CSMD3: variants seen among roughly 807,000 people sequenced by gnomAD.
The protein encoded by CSMD3 is CUB and sushi domain-containing protein 3.
A neutral mutation model predicts 435.2 loss-of-function variants in CSMD3; 177 were observed. The observed-to-expected ratio is 0.41, with a 90% confidence interval of 0.36 to 0.46. The LOEUF is 0.46. Among genes scored for constraint, CSMD3 ranks in the 20% least tolerant of loss-of-function variants. CSMD3 has a pLI of 0.34. For synonymous variants in CSMD3, 1,656 were observed against 1,520.5 expected, an observed-to-expected ratio of 1.09 and a Z score of -2.07; for missense variants, 4,265 against 4,504.6, an observed-to-expected ratio of 0.95 and a Z score of 1.52.
intron 38 of CSMD3, among the ~76,000 whole-genome samples, chr8:112,373,735 A>G (rs560601602): frequency 6.6e-6 from 1 of 152,238 alleles, no homozygotes; most frequent in Admixed American, 6.5e-5. Flanking sequence ...ACCTTTTTTG[A>G]AACTTGACAG....
intron 22 of CSMD3, among the ~76,000 whole-genome samples, chr8:112,599,188 C>T (rs954821496): frequency 2.1e-5 from 3 of 145,338 alleles, no homozygotes; most frequent in Admixed American, 6.8e-5. Flanking sequence ...AAAAAACAAC[C>T]CCATCAAAAA....
chr8:112,224,990 A>C, intron 70 of CSMD3, 60 bp from the exon 71 acceptor site: 1 of 1,462,134 alleles, frequency 6.8e-7, no homozygotes, highest in South Asian at 1.1e-5. Flanking sequence ...AGCAGACTAC[A>C]GCTCAAACAT....
At chr8:112,375,744 T>C (rs1828882160) in intron 38 of CSMD3, among the ~76,000 whole-genome samples, 1 of 152,168 alleles carries the variant, frequency 6.6e-6, no homozygotes, top group Admixed American at 6.5e-5. Flanking sequence ...AAGAATCTTT[T>C]TAAAGTTTCA....
rs116397722 is a variant in CSMD3, at chr8:112,251,993, G to A, written c.10110+2260C>T. Among the ~76,000 whole-genome samples the A allele has an allele frequency of 3.7e-3, 556 of 151,906 alleles. 3 individuals are homozygous for A. Among genetic ancestry groups the A allele is most frequent in the African/African-American group, 0.013 (531 of 41,478 alleles). The stretch of plus-strand genomic sequence containing the variant: ...GAGTTTTCATCATCTCTAGCAATGA[G>A]TAATATATTTTGTATGTTAATAATT... On this transcript the variant is annotated intron_variant, in intron 63 of 70. Coordinates refer to ENST00000297405, the MANE Select transcript of CSMD3 (RefSeq NM_198123.2).
At chr8:113,108,059 T>C (rs531397694) in intron 4 of CSMD3, among the ~76,000 whole-genome samples, 4 of 152,170 alleles carry the variant, frequency 2.6e-5, no homozygotes, top group African/African-American at 4.8e-5. Flanking sequence ...TTCAAAAACA[T>C]AGGAATAGTA....
At chr8:112,829,625 GA>G in intron 12 of CSMD3, 60 bp downstream of exon 12, 1 of 912,806 alleles carries the variant, frequency 1.1e-6, no homozygotes. Context: ...ACAATAATTT[GA>G]AAGTAAAATT....
In CSMD3 at chr8:113,417,394, A is replaced by C. The variant is rs995501603; in HGVS notation, c.178+19283T>G. ...TATAATACAATAGAGACAAAGGAGA[A>C]AATAAAACTAGTACAAAAGTTATGA... On this transcript the variant is annotated intron_variant, in intron 1 of 70. Transcript: ENST00000297405. 2.6e-5 allele frequency among the ~76,000 whole-genome samples: 4 copies of C among 152,048 alleles called. No homozygotes were observed. The East Asian group carries it at 7.7e-4, about 29-fold the overall frequency.
At chr8:112,350,094 C>A (rs145742466) in intron 40 of CSMD3, among the ~76,000 whole-genome samples, 3 of 151,984 alleles carry the variant, frequency 2.0e-5, no homozygotes, top group African/African-American at 7.2e-5. Context: ...CAAGAGAGGC[C>A]CTTAGAAGAT....
intron 45 of CSMD3, among the ~76,000 whole-genome samples, chr8:112,332,995 T>C (rs1824208991): frequency 6.6e-6 from 1 of 152,190 alleles, no homozygotes; most frequent in Admixed American, 6.5e-5. Context: ...ACCTAATATA[T>C]GCCAGTAATT....
chr8:112,483,818 C>T (rs1434033065), intron 31 of CSMD3, among the ~76,000 whole-genome samples: 1 of 152,120 alleles, frequency 6.6e-6, no homozygotes, highest in African/African-American at 2.4e-5. Context: ...GGTAGGAATG[C>T]CTTTAAGTGA....
At chr8:112,917,029 C>A (rs1012275850) in intron 10 of CSMD3, among the ~76,000 whole-genome samples, 1 of 151,888 alleles carries the variant, frequency 6.6e-6, no homozygotes. Flanking sequence ...TATCATATAA[C>A]CTGTACACCC....
Position 112,224,440 on chromosome 8 carries a change from A to G in CSMD3, c.*331T>C, listed in dbSNP as rs1812392990. 2.8e-6 allele frequency: 1 copy of G among 354,976 alleles called. No individual in the cohort carries two copies. The highest frequency in any genetic ancestry group is 2.1e-5 in the African/African-American group (1 of 47,422). 22.0% of individuals were successfully genotyped at this position (354,976 alleles called of 1,614,324 possible). On this transcript the variant is annotated 3_prime_UTR_variant, in exon 71 of 71. Transcript: ENST00000297405. ...TTTTTTTAAACCCAGTCCCTCTAAT[A>G]TAGTTTATAAAGCACAGAAATACTG...
intron 3 of CSMD3, among the ~76,000 whole-genome samples, chr8:113,239,284 G>A (rs1380826190): frequency 6.6e-6 from 1 of 151,956 alleles, no homozygotes; most frequent in Non-Finnish European, 1.5e-5. Flanking sequence ...AATCATGTGA[G>A]CCAATTCCTT....
rs560970658 is a variant in CSMD3, at chr8:112,935,894, T to C, written c.1508+11896A>G. Among the ~76,000 whole-genome samples, 9 of 152,194 alleles carry C rather than the reference T, an allele frequency of 5.9e-5. No individual in the cohort carries two copies. The South Asian group carries it at 1.5e-3, about 25-fold the overall frequency. On this transcript the variant is annotated intron_variant, in intron 9 of 70. Coordinates refer to ENST00000297405, the MANE Select transcript of CSMD3 (RefSeq NM_198123.2). ...GTAGAAGAGAGATGGTTTAGGATGT[T>C]TGAATGGTCTAAGTGAGAGATGATA...
intron 3 of CSMD3, among the ~76,000 whole-genome samples, chr8:113,194,789 C>A (rs1019318002): frequency 6.6e-6 from 1 of 151,140 alleles, no homozygotes. Context: ...TTTAATAGGC[C>A]TCCATAATCT....
intron 2 of CSMD3, chr8:113,310,977 CT>C (rs1298071253): frequency 6.6e-6 from 1 of 151,794 alleles, no homozygotes; most frequent in Non-Finnish European, 1.5e-5. Context: ...TACAAAGATT[CT>C]AATCACACAT....
chr8:112,310,737 T>C (rs1020749898), intron 50 of CSMD3: 1 of 583,842 alleles, frequency 1.7e-6, no homozygotes, highest in African/African-American at 1.9e-5. Flanking sequence ...AAAGTATGTA[T>C]ACAAGGGGAA....
chr8:112,563,969 A>G (rs1689438197), intron 24 of CSMD3, among the ~76,000 whole-genome samples: 1 of 152,034 alleles, frequency 6.6e-6, no homozygotes, highest in African/African-American at 2.4e-5. Context: ...TTTAAACTAA[A>G]AAAGAATTGA....
At chr8:113,416,728 G>A (rs893130973) in intron 1 of CSMD3, among the ~76,000 whole-genome samples, 2 of 152,078 alleles carry the variant, frequency 1.3e-5, no homozygotes, top group Non-Finnish European at 2.9e-5. Flanking sequence ...TAAATTATTA[G>A]TGAATTATAA....
Sources: allele counts gnomAD v4.1 joint callset (sites outside exome capture counted in the v4.1 genomes callset), GRCh38; gene constraint gnomAD v4.1.1; transcripts MANE v1.5; gene names NCBI Gene and HGNC (gene_info 2026-07-23, HGNC 2026-07-21).